The following LOXL2 variants were observed in gnomAD, a reference collection of about 807,000 sequenced individuals.
LOXL2 encodes the protein lysyl oxidase homolog 2.
LOXL2 carries 70 observed loss-of-function variants against 93.0 expected under a neutral mutation model. That is an observed-to-expected ratio of 0.75 (90% CI 0.62 to 0.92). LOXL2 has a LOEUF of 0.92. Ranked by LOEUF, LOXL2 falls within the 40% of genes least tolerant of loss-of-function variation. The pLI, the probability that LOXL2 is intolerant of heterozygous loss-of-function variation, is 0.00. For missense variants in LOXL2, 973 were observed against 1,054.9 expected, an observed-to-expected ratio of 0.92 and a Z score of 1.08; for synonymous variants, 438 against 413.2, an observed-to-expected ratio of 1.06 and a Z score of -0.73.
At chr8:23,301,378 G>T (rs1303964441) in intron 12 of LOXL2, among the ~76,000 whole-genome samples, 1 of 152,208 alleles carries the variant, frequency 6.6e-6, no homozygotes, top group African/African-American at 2.4e-5. Context: ...AGGCCCCCTT[G>T]TTCCTCCTCA....
intron 8 of LOXL2, 93 bp downstream of exon 8, chr8:23,319,792 A>C: frequency 7.3e-7 from 1 of 1,361,996 alleles, no homozygotes; most frequent in Non-Finnish European, 1.0e-6. Flanking sequence ...CTGCACGGCT[A>C]GGGAGGGTAC....
intron 1 of LOXL2, among the ~76,000 whole-genome samples, chr8:23,380,624 ATTACTC>A (rs1277565783): frequency 3.3e-5 from 5 of 151,208 alleles, no homozygotes; most frequent in African/African-American, 1.2e-4. Context: ...TCTTTTAAAA[ATTACTC>A]TTAAAGTTTT....
chr8:23,298,922 A>G lies in LOXL2; in HGVS notation c.2159T>C (p.Val720Ala), dbSNP rs148111808. The change falls in exon 13 of 14, where the codon GTT becomes GCT. Residue 720 changes from valine (V) to alanine (A), a missense_variant. Physicochemically the swap from Val to Ala is moderately conservative, Grantham distance 64 (BLOSUM62 0). Coordinates refer to ENST00000389131, the MANE Select transcript of LOXL2 (RefSeq NM_002318.3). ...FQVVINPNFE[V>A]AESDYSNNIM... The stretch of plus-strand genomic sequence containing the variant: ...GTTGTTGGAGTAATCGGATTCTGCA[A>G]CCTCGAAGTTGGGGTTAATAACAAC... 6.2e-4 allele frequency: 1,005 copies of G among 1,613,286 alleles called. 1 individual carries two copies. The highest frequency in any genetic ancestry group is 7.8e-4 in the Non-Finnish European group (916 of 1,179,344).
chr8:23,402,877 C>T (rs1800170115), intron 1 of LOXL2: 1 of 152,232 alleles, frequency 6.6e-6, no homozygotes, highest in Admixed American at 6.5e-5. Flanking sequence ...CATCTCTCCC[C>T]TCATCAGGAC....
At chr8:23,310,244 G>A (rs541546381) in intron 9 of LOXL2, among the ~76,000 whole-genome samples, 6 of 152,336 alleles carry the variant, frequency 3.9e-5, no homozygotes, top group Admixed American at 1.3e-4. Context: ...TGATGAGCAC[G>A]TGGGGGTTGA....
intron 1 of LOXL2, among the ~76,000 whole-genome samples, chr8:23,398,550 C>G (rs1438216255): frequency 6.6e-6 from 1 of 152,194 alleles, no homozygotes; most frequent in Non-Finnish European, 1.5e-5. Flanking sequence ...TTGTTCTCAT[C>G]TGCCACACAC....
chr8:23,360,430 C>T (rs924027705), intron 2 of LOXL2, among the ~76,000 whole-genome samples, 165 bp from the exon 3 acceptor site: 2 of 152,138 alleles, frequency 1.3e-5, no homozygotes, highest in Non-Finnish European at 2.9e-5. Flanking sequence ...AACTCTAAAC[C>T]ATGGGGATTC....
chr8:23,346,787 C>T (rs1226006928), intron 3 of LOXL2, among the ~76,000 whole-genome samples: 2 of 152,224 alleles, frequency 1.3e-5, no homozygotes, highest in Non-Finnish European at 2.9e-5. Flanking sequence ...TCCCCCTGTT[C>T]TAGAAGTCAT....
At chr8:23,337,510 A>C (rs973844897) in intron 4 of LOXL2, 1 of 152,188 alleles carries the variant, frequency 6.6e-6, no homozygotes, top group African/African-American at 2.4e-5. Flanking sequence ...TCTGTCCTCT[A>C]CACACAACAG....
intron 1 of LOXL2, among the ~76,000 whole-genome samples, chr8:23,372,351 G>A (rs1804509989): frequency 6.6e-6 from 1 of 151,912 alleles, no homozygotes; most frequent in African/African-American, 2.4e-5. Context: ...TCGAGTAGCT[G>A]GGATTCCAGG....
At chr8:23,394,968 A>C (rs181712002) in intron 1 of LOXL2, among the ~76,000 whole-genome samples, 1 of 152,312 alleles carries the variant, frequency 6.6e-6, no homozygotes, top group African/African-American at 2.4e-5. Context: ...GAGGCTTAAA[A>C]ACATTAGGGG....
chr8:23,379,721 C>T (rs1002211923), intron 1 of LOXL2, among the ~76,000 whole-genome samples: 2 of 152,160 alleles, frequency 1.3e-5, no homozygotes, highest in African/African-American at 2.4e-5. Context: ...GCTCCGTGGG[C>T]GTGGGACCCC....
At chr8:23,301,884 C>T (rs1473794805) in intron 12 of LOXL2, 143 bp downstream of exon 12, 32 of 976,666 alleles carry the variant, frequency 3.3e-5, no homozygotes, top group South Asian at 2.3e-4. Flanking sequence ...ACTGATGGAC[C>T]GTGATGGCCT....
chr8:23,329,593 G>GT (rs1803640735), intron 5 of LOXL2, among the ~76,000 whole-genome samples: 2 of 152,204 alleles, frequency 1.3e-5, no homozygotes, highest in Non-Finnish European at 2.9e-5. Flanking sequence ...GCGTGTGTGT[G>GT]TTTTGGAGGA....
intron 2 of LOXL2, among the ~76,000 whole-genome samples, chr8:23,362,773 G>A (rs1038816294): frequency 1.3e-5 from 2 of 152,118 alleles, no homozygotes; most frequent in African/African-American, 4.8e-5. Flanking sequence ...AATTTTATGT[G>A]ATGTACATTT....
chr8:23,362,664 G>A (rs1804320198), intron 2 of LOXL2, among the ~76,000 whole-genome samples: 1 of 152,158 alleles, frequency 6.6e-6, no homozygotes, highest in African/African-American at 2.4e-5. Context: ...AGCCCAGAAG[G>A]TTGAGGCTGC....
chr8:23,303,049 G>A (rs1161275649), intron 11 of LOXL2, among the ~76,000 whole-genome samples: 2 of 152,108 alleles, frequency 1.3e-5, no homozygotes, highest in Non-Finnish European at 2.9e-5. Context: ...AGGCCCTGTG[G>A]ACCGACCAGT....
At chr8:23,319,083 C>T (rs989064642) in intron 8 of LOXL2, among the ~76,000 whole-genome samples, 5 of 152,238 alleles carry the variant, frequency 3.3e-5, no homozygotes, top group Non-Finnish European at 4.4e-5. Context: ...CAAGCATCTT[C>T]CCGTTATGTA....
At position 23,297,487 on chromosome 8, in the gene LOXL2, C is replaced by T. The variant is rs1434698626; in HGVS notation, c.*556G>A. 1 of 152,334 alleles carries T rather than the reference C, an allele frequency of 6.6e-6. No individual in the cohort carries two copies. Among genetic ancestry groups the T allele is most frequent in the African/African-American group, 2.4e-5 (1 of 41,404 alleles). 9.4% of individuals were successfully genotyped at this position (152,334 alleles called of 1,614,324 possible). On this transcript the variant is annotated 3_prime_UTR_variant, in exon 14 of 14. Transcript: ENST00000389131. ...GTGGGGGCTGTGGATAGGGAAGCAC[C>T]AAGTCTGAGCTCACCAAATCAGAAA...
Sources: allele counts gnomAD v4.1 joint callset (sites outside exome capture counted in the v4.1 genomes callset), GRCh38; gene constraint gnomAD v4.1.1; transcripts MANE v1.5; gene names NCBI Gene and HGNC (gene_info 2026-07-23, HGNC 2026-07-21).